The following CCBE1 variants were observed in gnomAD, a reference collection of about 807,000 sequenced individuals.
The protein encoded by CCBE1 is collagen and calcium binding EGF domains 1.
Under a neutral mutation model 50.0 loss-of-function variants are expected in CCBE1, and 37 were observed. That is an observed-to-expected ratio of 0.74 (90% CI 0.57 to 0.97). The LOEUF is 0.97. Ranked by LOEUF, CCBE1 falls within the 50% of genes least tolerant of loss-of-function variation. CCBE1 has a pLI of 0.00. For synonymous variants in CCBE1, 234 were observed against 203.7 expected, an observed-to-expected ratio of 1.15 and a Z score of -1.27; for missense variants, 538 against 523.8, an observed-to-expected ratio of 1.03 and a Z score of -0.26.
chr18:59,683,265 A>T (rs931725659), intron 2 of CCBE1, among the ~76,000 whole-genome samples: 1 of 152,214 alleles, frequency 6.6e-6, no homozygotes, highest in Non-Finnish European at 1.5e-5. Flanking sequence ...CACCTCAATG[A>T]CACACACAGG....
chr18:59,688,599 G>A (rs2054688685), intron 2 of CCBE1, among the ~76,000 whole-genome samples: 1 of 152,198 alleles, frequency 6.6e-6, no homozygotes, highest in Admixed American at 6.5e-5. Flanking sequence ...GCACAGGAAG[G>A]CTTGTCATGG....
intron 2 of CCBE1, among the ~76,000 whole-genome samples, chr18:59,515,757 T>G (rs1027306190): frequency 1.4e-4 from 22 of 152,194 alleles, no homozygotes; most frequent in African/African-American, 5.3e-4. Context: ...GGTGTCAGGC[T>G]ACCTTGGTTC....
At chr18:59,546,244 T>A (rs140839276) in intron 2 of CCBE1, among the ~76,000 whole-genome samples, 109 of 152,374 alleles carry the variant, frequency 7.2e-4, no homozygotes, top group Non-Finnish European at 1.3e-3. Flanking sequence ...TTTTTTGTGT[T>A]TATGAGTCAT....
chr18:59,696,782 C>A (rs1360013127), intron 1 of CCBE1, 73 bp from the exon 2 acceptor site: 9 of 1,516,288 alleles, frequency 5.9e-6, no homozygotes, highest in Admixed American at 1.7e-5. Context: ...GCTGGGGAAT[C>A]CCTGGCGCGT....
intron 6 of CCBE1, among the ~76,000 whole-genome samples, chr18:59,450,123 C>G (rs1910862145): frequency 6.6e-6 from 1 of 152,160 alleles, no homozygotes; most frequent in Non-Finnish European, 1.5e-5. Flanking sequence ...GCATTTCTCC[C>G]AGATTCCAGT....
At chr18:59,658,896 A>AAAAC (rs2054244267) in intron 2 of CCBE1, among the ~76,000 whole-genome samples, 3 of 150,812 alleles carry the variant, frequency 2.0e-5, no homozygotes, top group Admixed American at 6.6e-5. Flanking sequence ...AAAAAAAAAA[A>AAAAC]AAAAAAAAAA....
intron 2 of CCBE1, among the ~76,000 whole-genome samples, chr18:59,681,961 G>A (rs2054594370): frequency 6.6e-6 from 1 of 152,208 alleles, no homozygotes; most frequent in African/African-American, 2.4e-5. Context: ...GGTCAGACCT[G>A]GAAGGAACTC....
chr18:59,691,897 G>C (rs1019977459), intron 2 of CCBE1, among the ~76,000 whole-genome samples: 1 of 152,128 alleles, frequency 6.6e-6, no homozygotes, highest in East Asian at 1.9e-4. Flanking sequence ...CTGCCAGTAA[G>C]ACCCTTCATA....
chr18:59,652,404 GT>G (rs1207942559), intron 2 of CCBE1, among the ~76,000 whole-genome samples: 2 of 152,132 alleles, frequency 1.3e-5, no homozygotes. Context: ...GAGCCCAAAG[GT>G]GAATGGGGTA....
intron 2 of CCBE1, among the ~76,000 whole-genome samples, chr18:59,511,063 G>A (rs1022190568): frequency 6.6e-6 from 1 of 152,078 alleles, no homozygotes; most frequent in Admixed American, 6.6e-5. Flanking sequence ...TGAAGACAAG[G>A]GATTCACCAC....
At chr18:59,496,768 C>T (rs544961485) in intron 2 of CCBE1, among the ~76,000 whole-genome samples, 9 of 152,280 alleles carry the variant, frequency 5.9e-5, no homozygotes, top group African/African-American at 1.4e-4. Flanking sequence ...GCTAAGCAGC[C>T]GACCTAGGAC....
At chr18:59,692,424 G>A (rs1261331979) in intron 2 of CCBE1, among the ~76,000 whole-genome samples, 3 of 152,142 alleles carry the variant, frequency 2.0e-5, no homozygotes, top group Non-Finnish European at 4.4e-5. Flanking sequence ...GTAGAGCTGG[G>A]ATTCACACTG....
intron 3 of CCBE1, among the ~76,000 whole-genome samples, chr18:59,472,204 T>C (rs768439745): frequency 6.6e-5 from 10 of 152,156 alleles, no homozygotes; most frequent in African/African-American, 1.2e-4. Context: ...TTCCTCAGAG[T>C]GCTGGGTCCT....
At chr18:59,664,217 C>T (rs1028005762) in intron 2 of CCBE1, among the ~76,000 whole-genome samples, 15 of 152,100 alleles carry the variant, frequency 9.9e-5, no homozygotes, top group Admixed American at 9.2e-4. Context: ...ATTAGGGCTC[C>T]ACCCTGATGA....
intron 2 of CCBE1, among the ~76,000 whole-genome samples, chr18:59,640,131 A>C (rs2053967234): frequency 6.6e-6 from 1 of 152,172 alleles, no homozygotes; most frequent in South Asian, 2.1e-4. Context: ...ACTAGAAAAA[A>C]CGATTTTAAA....
intron 2 of CCBE1, among the ~76,000 whole-genome samples, chr18:59,615,240 C>A (rs758305551): frequency 6.6e-6 from 1 of 152,234 alleles, no homozygotes; most frequent in South Asian, 2.1e-4. Context: ...GGCTTGAAAA[C>A]CTGGATGGTT....
At chr18:59,456,384 G>A (rs1326092639) in intron 5 of CCBE1, among the ~76,000 whole-genome samples, 1 of 152,222 alleles carries the variant, frequency 6.6e-6, no homozygotes, top group Non-Finnish European at 1.5e-5. Flanking sequence ...TTATACTGGA[G>A]TAAGATGGGA....
chr18:59,503,479 C>G (rs1437383660), intron 2 of CCBE1, among the ~76,000 whole-genome samples: 1 of 152,162 alleles, frequency 6.6e-6, no homozygotes, highest in Non-Finnish European at 1.5e-5. Context: ...TTACTCCAAG[C>G]CTGGGTTCCT....
At chr18:59,653,536 T>A (rs1036295403) in intron 2 of CCBE1, among the ~76,000 whole-genome samples, 1 of 152,160 alleles carries the variant, frequency 6.6e-6, no homozygotes, top group Non-Finnish European at 1.5e-5. Context: ...GCCAATTTTT[T>A]CCCCCACAAC....
Sources: allele counts gnomAD v4.1 joint callset (sites outside exome capture counted in the v4.1 genomes callset), GRCh38; gene constraint gnomAD v4.1.1; transcripts MANE v1.5; gene names NCBI Gene and HGNC (gene_info 2026-07-23, HGNC 2026-07-21).